Variants in BCO2 observed in about 807,000 individuals in gnomAD.
BCO2 encodes the protein carotenoid-cleaving dioxygenase, mitochondrial.
A neutral mutation model predicts 65.8 loss-of-function variants in BCO2; 56 were observed. The observed-to-expected ratio is 0.85, with a 90% CI of 0.69 to 1.06. The LOEUF (loss-of-function observed/expected upper bound fraction) is 1.06, where lower values mean the gene tolerates loss of function less well. Among genes scored for constraint, BCO2 ranks in the 50% least tolerant of loss-of-function variants. BCO2 has a pLI of 0.00. For missense variants in BCO2, 675 were observed against 698.5 expected (o/e 0.97, Z 0.38); for synonymous variants, 233 against 242.3 (o/e 0.96, Z 0.36).
At chr11:112,182,731 A>T in intron 2 of BCO2, 1 of 519,442 alleles carries the variant, frequency 1.9e-6, no homozygotes, top group Non-Finnish European at 3.4e-6. Context: ...GAGGGATAGA[A>T]TTAGGAGATA....
At chr11:112,184,691 T>G (rs913422049) in intron 2 of BCO2, among the ~76,000 whole-genome samples, 86 of 148,664 alleles carry the variant, frequency 5.8e-4, no homozygotes, top group African/African-American at 2.0e-3. Context: ...ATATTTTTTG[T>G]TTTTTTTTTA....
chr11:112,194,241 G>T (rs543900750), intron 4 of BCO2: 1 of 472,258 alleles, frequency 2.1e-6, no homozygotes, highest in East Asian at 3.9e-5. Context: ...AGAAATAGAA[G>T]AGTACTGATC....
At chr11:112,205,003 T>C (rs1867832013) in intron 8 of BCO2, among the ~76,000 whole-genome samples, 2 of 152,252 alleles carry the variant, frequency 1.3e-5, no homozygotes. Context: ...TCTGGTTTGC[T>C]TTATTGTAAT....
chr11:112,183,301 T>A (rs1566768685), intron 2 of BCO2: 3 of 637,872 alleles, frequency 4.7e-6, no homozygotes, highest in South Asian at 3.8e-5. Context: ...AAGGAAATTT[T>A]AAAAAAACAT....
chr11:112,189,045 A>G (rs998676066), intron 2 of BCO2, among the ~76,000 whole-genome samples: 2 of 152,246 alleles, frequency 1.3e-5, no homozygotes, highest in Non-Finnish European at 2.9e-5. Context: ...AAAAAAGGAA[A>G]AGGCACAAAC....
At chr11:112,213,160 T>G (rs1859559687) in intron 8 of BCO2, among the ~76,000 whole-genome samples, 1 of 112,276 alleles carries the variant, frequency 8.9e-6, no homozygotes, top group Non-Finnish European at 1.9e-5. Flanking sequence ...TTTTTTTTTT[T>G]GTGACGGAGT....
rs566498721 is a variant in BCO2 at position 112,178,846 on chromosome 11, T to C, written c.89-432T>C. ...TCACATTCTGGTATATCTAAATTACTGGGGTCAATATAATTGGATAATATT... is the reference window on the plus strand; with the variant it reads ...TCACATTCTGGTATATCTAAATTACCGGGGTCAATATAATTGGATAATATT... On this transcript the variant is annotated intron_variant, in intron 1 of 11. Coordinates refer to ENST00000357685, the MANE Select transcript of BCO2 (RefSeq NM_031938.7). Among the ~76,000 whole-genome samples, 6 of 152,352 alleles carry C rather than the reference T, an allele frequency of 3.9e-5. No individual in the cohort carries two copies. The East Asian group carries it at 9.6e-4, about 24-fold the overall frequency.
intron 2 of BCO2, among the ~76,000 whole-genome samples, chr11:112,185,409 T>C (rs1867170550): frequency 6.6e-6 from 1 of 152,230 alleles, no homozygotes; most frequent in Non-Finnish European, 1.5e-5. Flanking sequence ...AAAACCTCTA[T>C]GGCCAGGAAG....
chr11:112,181,320 T>C, intron 2 of BCO2: 1 of 546,758 alleles, frequency 1.8e-6, no homozygotes. Context: ...TAGCTGGGAC[T>C]ACAGGCGCCC....
intron 2 of BCO2, among the ~76,000 whole-genome samples, chr11:112,184,292 G>T (rs185834068): frequency 5.1e-4 from 76 of 149,720 alleles, no homozygotes; most frequent in Middle Eastern, 3.4e-3. Flanking sequence ...TCGCTGTGTC[G>T]CCCAGGCTGG....
chr11:112,179,466 G>C lies in BCO2; in HGVS notation c.277G>C (p.Glu93Gln). 1.2e-6 allele frequency: 2 copies of C among 1,614,062 alleles called. No individual in the cohort carries two copies. The highest frequency in any genetic ancestry group is 1.7e-6 in the Non-Finnish European group (2 of 1,180,014). ...SLLRIGPGKF[E>Q]FGKDKYNHWF... is the part of the protein sequence containing the mutation. ...ACTTCGAATTGGACCTGGGAAATTC[G>C]AGTTTGGGAAGGATAAGTAAGCCTT... The change falls in exon 2 of 12, where the codon GAG becomes CAG. Residue 93 changes from glutamate (E) to glutamine (Q), a missense_variant. Transcript: ENST00000357685.
chr11:112,188,682 A>G (rs12286865), intron 2 of BCO2, among the ~76,000 whole-genome samples: 2,893 of 151,776 alleles, frequency 0.019, 101 homozygotes, highest in African/African-American at 0.066. Flanking sequence ...GAACCAGCCA[A>G]ATGTCTCCTT....
In BCO2 at chr11:112,197,954, C is replaced by T. The variant is rs76730133; in HGVS notation, c.737-1745C>T. On this transcript the variant is annotated intron_variant, in intron 5 of 11. Coordinates refer to ENST00000357685, the MANE Select transcript of BCO2 (RefSeq NM_031938.7). Reference sequence around the variant, plus strand: ...CAGATATCCTCAAGGCTTTCTTCCTCACCTCCTTTAGGTCTTTACTCAGAC... The same window carrying T: ...CAGATATCCTCAAGGCTTTCTTCCTTACCTCCTTTAGGTCTTTACTCAGAC... Among the ~76,000 whole-genome samples, 7 of 152,352 alleles carry T rather than the reference C, an allele frequency of 4.6e-5. No homozygotes were observed. The East Asian group carries it at 1.3e-3, about 29-fold the overall frequency.
intron 6 of BCO2, 115 bp downstream of exon 6, chr11:112,199,942 A>T: frequency 7.8e-7 from 1 of 1,284,696 alleles, no homozygotes; most frequent in Non-Finnish European, 1.1e-6. Flanking sequence ...TGATAATGAG[A>T]CCAAGGTTGC....
At position 112,179,334 on chromosome 11, in the gene BCO2, C is replaced by T. The variant is rs35361223; in HGVS notation, c.145C>T (p.Arg49Trp). Reference protein sequence around the residue: ...PQKKAVFGQCRGLPCVAPLLT... With the variant: ...PQKKAVFGQCWGLPCVAPLLT... ...GAAAAAAGCCGTCTTTGGGCAGTGTCGGGGTCTGCCATGTGTTGCACCGCT... is the reference window on the plus strand; with the variant it reads ...GAAAAAAGCCGTCTTTGGGCAGTGTTGGGGTCTGCCATGTGTTGCACCGCT... The change falls in exon 2 of 12, where the codon CGG becomes TGG. Residue 49 changes from arginine to tryptophan, a missense_variant. Transcript: ENST00000357685. The T allele has an allele frequency of 1.2e-4, 201 of 1,614,152 alleles. No homozygotes were observed. Among genetic ancestry groups the T allele is most frequent in the Middle Eastern group, 3.3e-4 (2 of 6,062 alleles).
chr11:112,195,495 T>G lies in BCO2; in HGVS notation c.736+740T>G, dbSNP rs534609691. Among the ~76,000 whole-genome samples the G allele has an allele frequency of 2.6e-5, 4 of 152,082 alleles. No individual in the cohort carries two copies. The East Asian group carries it at 5.8e-4, about 22-fold the overall frequency. On this transcript the variant is annotated intron_variant, in intron 5 of 11. Transcript: ENST00000357685. Reference sequence around the variant, plus strand: ...AGGCTCGCTCTTGCCCAGGCTGGAATGCCGTGGCACGATCTCAGCTCACTG... The same window carrying G: ...AGGCTCGCTCTTGCCCAGGCTGGAAGGCCGTGGCACGATCTCAGCTCACTG...
intron 7 of BCO2, 34 bp from the exon 8 acceptor site, chr11:112,201,989 A>T: frequency 6.6e-7 from 1 of 1,514,646 alleles, no homozygotes; most frequent in Non-Finnish European, 8.8e-7. Context: ...AAACTAAAAA[A>T]AATTTTTTTC....
intron 7 of BCO2, 110 bp downstream of exon 7, chr11:112,200,883 T>C: frequency 1.7e-6 from 2 of 1,188,956 alleles, no homozygotes; most frequent in Non-Finnish European, 2.4e-6. Flanking sequence ...TAAGACACTT[T>C]TAATCAAGGA....
intron 5 of BCO2, among the ~76,000 whole-genome samples, chr11:112,196,108 G>A (rs1475478334): frequency 1.3e-5 from 2 of 152,188 alleles, no homozygotes; most frequent in Non-Finnish European, 2.9e-5. Context: ...CTGGGTGTCT[G>A]TTTGTCTTAC....
Sources: allele counts gnomAD v4.1 joint callset (sites outside exome capture counted in the v4.1 genomes callset), GRCh38; gene constraint gnomAD v4.1.1; transcripts MANE v1.5; gene names NCBI Gene and HGNC (gene_info 2026-07-23, HGNC 2026-07-21).